The following ANKRD6 variants were observed in gnomAD, a reference collection of about 807,000 sequenced individuals.
ANKRD6 encodes the protein ankyrin repeat domain 6.
Under a neutral mutation model 82.3 loss-of-function variants are expected in ANKRD6, and 56 were observed. That is an observed-to-expected ratio of 0.68 (90% CI 0.55 to 0.85). The LOEUF (loss-of-function observed/expected upper bound fraction) is 0.85. Ranked by LOEUF, ANKRD6 falls within the 40% of genes least tolerant of loss-of-function variation. The pLI, the probability that ANKRD6 is intolerant of heterozygous loss-of-function variation, is 0.00. For synonymous variants in ANKRD6, 347 were observed against 352.1 expected (o/e 0.99, Z 0.16); for missense variants, 852 against 907.6 (o/e 0.94, Z 0.79).
At chr6:89,515,952 C>T (rs1458025950) in intron 1 of ANKRD6, among the ~76,000 whole-genome samples, 1 of 152,158 alleles carries the variant, frequency 6.6e-6, no homozygotes, top group Non-Finnish European at 1.5e-5. Flanking sequence ...GAACCAAGGA[C>T]CATCTGCAGC....
At chr6:89,462,676 T>G (rs1173542184) in intron 1 of ANKRD6, among the ~76,000 whole-genome samples, 1 of 152,204 alleles carries the variant, frequency 6.6e-6, no homozygotes, top group Non-Finnish European at 1.5e-5. Context: ...CATTTTGTTT[T>G]AGAGACAGAA....
intron 2 of ANKRD6, among the ~76,000 whole-genome samples, chr6:89,576,822 C>G (rs561822268): frequency 1.1e-4 from 16 of 152,328 alleles, no homozygotes; most frequent in African/African-American, 3.8e-4. Flanking sequence ...TGCTCTCCCT[C>G]TGGACACCCA....
rs1355853705 is a variant in ANKRD6, at chr6:89,624,604, T to C, written c.1284T>C (p.Thr428=). 6.4e-7 allele frequency: 1 copy of C among 1,568,368 alleles called. No homozygotes were observed. Among genetic ancestry groups the C allele is most frequent in the Non-Finnish European group, 8.6e-7 (1 of 1,156,176 alleles). The part of the protein sequence containing the change: ...INKLENQLEA[T]VEEIKAELGS... ...AGCTGGAGAATCAGTTGGAGGCTAC[T>C]GTGGAGGAGATAAAAGCAGAGCTGG... Residue 428 remains threonine, a synonymous_variant, in exon 13 of 16, where the codon ACT becomes ACC. Transcript: ENST00000339746.
intron 1 of ANKRD6, among the ~76,000 whole-genome samples, chr6:89,491,587 A>G (rs1778011400): frequency 6.7e-6 from 1 of 148,562 alleles, no homozygotes; most frequent in Middle Eastern, 3.4e-3. Flanking sequence ...GAATTGAACA[A>G]TGAGAACACT....
At chr6:89,467,583 G>C (rs1381461938) in intron 1 of ANKRD6, among the ~76,000 whole-genome samples, 1 of 152,216 alleles carries the variant, frequency 6.6e-6, no homozygotes. Context: ...TAGATCAAAA[G>C]TCAAGATGGA....
intron 1 of ANKRD6, among the ~76,000 whole-genome samples, chr6:89,549,370 C>A (rs989151072): frequency 1.3e-5 from 2 of 151,526 alleles, no homozygotes; most frequent in Non-Finnish European, 2.9e-5. Flanking sequence ...AGCAAGTTTG[C>A]CTCCCCACCC....
chr6:89,630,521 C>T lies in ANKRD6; in HGVS notation c.1701C>T (p.Asn567=), dbSNP rs1479962102. 4 of 1,614,056 alleles carry T rather than the reference C, an allele frequency of 2.5e-6. No individual in the cohort carries two copies. Among genetic ancestry groups the T allele is most frequent in the Non-Finnish European group, 3.4e-6 (4 of 1,179,874 alleles). Residue 567 remains asparagine (N), a synonymous_variant, in exon 16 of 16, where the codon AAC becomes AAT. Transcript: ENST00000339746. ...TTAGGCCCAAAGAGAAGGCCCTCAA[C>T]TCCACTGCTACCCAGAGACTCCAGC... is the stretch of plus-strand genomic sequence containing the variant. ...PVVRPKEKAL[N]STATQRLQQE... is the part of the protein sequence containing the mutation.
chr6:89,500,277 T>C (rs1445041077), intron 1 of ANKRD6, among the ~76,000 whole-genome samples: 1 of 152,154 alleles, frequency 6.6e-6, no homozygotes, highest in East Asian at 1.9e-4. Flanking sequence ...TCTCCTTTTT[T>C]TCTTCCCCTT....
intron 1 of ANKRD6, among the ~76,000 whole-genome samples, chr6:89,546,390 C>T (rs1463095545): frequency 6.6e-6 from 1 of 152,102 alleles, no homozygotes; most frequent in East Asian, 1.9e-4. Context: ...GTGTAACAAG[C>T]TAATGATGTT....
chr6:89,571,087 T>A (rs1243733400), intron 2 of ANKRD6, among the ~76,000 whole-genome samples: 1 of 152,192 alleles, frequency 6.6e-6, no homozygotes, highest in African/African-American at 2.4e-5. Flanking sequence ...AGTCTCGCTC[T>A]GTCGCCCAGG....
At position 89,613,840 on chromosome 6, in the gene ANKRD6, A is replaced by G. The variant is rs199717338; in HGVS notation, c.565A>G (p.Ile189Val). 15 of 1,613,918 alleles carry G rather than the reference A, an allele frequency of 9.3e-6. No homozygotes were observed. In the East Asian group the frequency reaches 1.8e-4, roughly 19 times the overall value. ...HVAARYNHLS[I>V]IRLLLTAFCS... ...TGCTGCGCGCTATAATCACTTGTCC[A>G]TCATTAGGCTCCTCCTCACTGCTTT... Residue 189 changes from isoleucine to valine, a missense_variant, in exon 7 of 16, where the codon ATC becomes GTC. By Grantham distance (29) the Ile-to-Val change is conservative. Transcript: ENST00000339746.
At chr6:89,520,350 A>AT (rs1282039711) in intron 1 of ANKRD6, among the ~76,000 whole-genome samples, 8 of 152,228 alleles carry the variant, frequency 5.3e-5, no homozygotes, top group African/African-American at 1.7e-4. Flanking sequence ...ATAGCCTCCT[A>AT]TATCATCAGG....
At chr6:89,457,659 A>G (rs181919694) in intron 1 of ANKRD6, among the ~76,000 whole-genome samples, 238 of 152,348 alleles carry the variant, frequency 1.6e-3, no homozygotes, top group African/African-American at 5.5e-3. Flanking sequence ...ATGGCGGATC[A>G]TGAACTCTAA....
At chr6:89,574,167 G>T (rs1012211082) in intron 2 of ANKRD6, among the ~76,000 whole-genome samples, 1 of 152,174 alleles carries the variant, frequency 6.6e-6, no homozygotes, top group Admixed American at 6.5e-5. Flanking sequence ...GTAGGCCAGG[G>T]TTGTTCAGCC....
At chr6:89,537,237 A>G (rs1282383919) in intron 1 of ANKRD6, among the ~76,000 whole-genome samples, 5 of 152,210 alleles carry the variant, frequency 3.3e-5, no homozygotes, top group Non-Finnish European at 5.9e-5. Flanking sequence ...TACTTTTGCA[A>G]TTATAATTAA....
At chr6:89,490,799 A>G (rs1382117619) in intron 1 of ANKRD6, among the ~76,000 whole-genome samples, 1 of 152,120 alleles carries the variant, frequency 6.6e-6, no homozygotes, top group African/African-American at 2.4e-5. Context: ...GAGAAGTGCC[A>G]TCTCCGCTTG....
chr6:89,500,387 C>A (rs1779133508), intron 1 of ANKRD6, among the ~76,000 whole-genome samples: 1 of 152,078 alleles, frequency 6.6e-6, no homozygotes, highest in South Asian at 2.1e-4. Flanking sequence ...TGAAAAATAT[C>A]ACAGTACAGG....
chr6:89,483,533 C>T (rs1322051415), intron 1 of ANKRD6: 2 of 152,276 alleles, frequency 1.3e-5, no homozygotes, highest in African/African-American at 4.8e-5. Flanking sequence ...AGGCCTGGGC[C>T]ATCCCAGCTG....
At chr6:89,624,200 C>A in intron 12 of ANKRD6, 143 bp downstream of exon 12, 1 of 972,874 alleles carries the variant, frequency 1.0e-6, no homozygotes, top group Admixed American at 2.9e-5. Flanking sequence ...ATGGCCTCCC[C>A]ACCTGCACGG....
Sources: gnomAD v4.1 joint callset for allele counts (sites outside exome capture counted in the v4.1 genomes callset) on GRCh38, gnomAD v4.1.1 for gene constraint, MANE v1.5 for transcripts, NCBI Gene and HGNC (gene_info 2026-07-23, HGNC 2026-07-21) for gene names.